The following SLC14A2 variants were observed in gnomAD, a reference collection of about 807,000 sequenced individuals.
SLC14A2 encodes solute carrier family 14 member 2.
A neutral mutation model predicts 104.6 loss-of-function variants in SLC14A2; 91 were observed. That is an observed-to-expected ratio of 0.87 (90% confidence interval 0.73 to 1.04). The LOEUF (loss-of-function observed/expected upper bound fraction) is 1.04. Among genes scored for constraint, SLC14A2 ranks in the 50% least tolerant of loss-of-function variants. SLC14A2 has a pLI of 0.00. For synonymous variants in SLC14A2, 476 were observed against 466.4 expected (o/e 1.02, Z -0.27); for missense variants, 1,189 against 1,156.0 (o/e 1.03, Z -0.41).
chr18:45,258,747 C>T (rs1422748282), intron 1 of SLC14A2, among the ~76,000 whole-genome samples: 3 of 111,920 alleles, frequency 2.7e-5, no homozygotes, highest in African/African-American at 4.1e-5. Flanking sequence ...ATGCTTTGAC[C>T]AGTACTGAGA....
chr18:45,613,796 A>T (rs1229318138), upstream of SLC14A2, among the ~76,000 whole-genome samples: 1 of 152,230 alleles, frequency 6.6e-6, no homozygotes, highest in Non-Finnish European at 1.5e-5. Context: ...AATTTTATGC[A>T]TTTACAGAGA....
intron 1 of SLC14A2, among the ~76,000 whole-genome samples, chr18:45,247,503 T>G (rs1388268798): frequency 6.6e-6 from 1 of 152,186 alleles, no homozygotes; most frequent in African/African-American, 2.4e-5. Flanking sequence ...AGATTTGTTT[T>G]ACAAGCATTT....
intron 2 of SLC14A2, among the ~76,000 whole-genome samples, chr18:45,609,678 C>T (rs2044938454): frequency 2.0e-5 from 3 of 152,214 alleles, no homozygotes; most frequent in Non-Finnish European, 1.5e-5. Flanking sequence ...TCTCTATTCT[C>T]TTGTGTGAGT....
intron 2 of SLC14A2, among the ~76,000 whole-genome samples, chr18:45,586,761 T>C (rs1395629605): frequency 6.6e-6 from 1 of 152,068 alleles, no homozygotes; most frequent in African/African-American, 2.4e-5. Context: ...GTTTGCAGCC[T>C]TAGGTTACCC....
chr18:45,286,794 G>A (rs908942682), intron 1 of SLC14A2, among the ~76,000 whole-genome samples: 4 of 152,076 alleles, frequency 2.6e-5, no homozygotes, highest in Admixed American at 6.5e-5. Flanking sequence ...GCTCATAGAT[G>A]TTATGGAAAT....
chr18:45,242,031 A>T (rs925522793), intron 1 of SLC14A2, among the ~76,000 whole-genome samples: 7 of 152,164 alleles, frequency 4.6e-5, no homozygotes, highest in African/African-American at 1.7e-4. Flanking sequence ...AAACTTCTGC[A>T]TTCTACATGC....
At chr18:45,257,628 CTCTTGGCAA>C (rs952418648) in intron 1 of SLC14A2, among the ~76,000 whole-genome samples, 3 of 152,116 alleles carry the variant, frequency 2.0e-5, no homozygotes, top group African/African-American at 7.2e-5. Flanking sequence ...TTCTATGTAG[CTCTTGGCAA>C]TCTTAAAATA....
intron 1 of SLC14A2, among the ~76,000 whole-genome samples, chr18:45,330,395 A>G (rs1183263777): frequency 6.6e-6 from 1 of 152,118 alleles, no homozygotes; most frequent in Non-Finnish European, 1.5e-5. Flanking sequence ...ATTAGGCTTG[A>G]GGTTGCATTT....
chr18:45,388,168 T>C (rs2144403092), intron 1 of SLC14A2, among the ~76,000 whole-genome samples: 1 of 141,692 alleles, frequency 7.1e-6, no homozygotes, highest in East Asian at 2.3e-4. Flanking sequence ...CTCCGCCTCC[T>C]GGGTTCACGC....
Position 45,627,259 on chromosome 18 carries a change from G to GTATCA in SLC14A2, c.521+113_521+117dup, listed in dbSNP as rs1161811981. 11 of 904,776 alleles carry GTATCA rather than the reference G, an allele frequency of 1.2e-5. No homozygotes were observed. The Admixed American group carries it at 2.2e-4, about 18-fold the overall frequency. 56.0% of individuals were successfully genotyped at this position (904,776 alleles called of 1,614,324 possible). A position where few individuals can be genotyped will look rare whatever the true frequency, so the allele number is the denominator to read the frequency against. The stretch of plus-strand genomic sequence containing the variant: ...CTCCCAGCCAGCCAAAGTCTCCTGA[G>GTATCA]TATCAACTTTAAGCAGGTCACTGAC... On this transcript the variant is annotated intron_variant, in intron 4 of 19. Coordinates refer to ENST00000255226, the MANE Select transcript of SLC14A2 (RefSeq NM_007163.4).
chr18:45,443,739 A>T (rs1324887532), intron 1 of SLC14A2, among the ~76,000 whole-genome samples: 1 of 152,120 alleles, frequency 6.6e-6, no homozygotes, highest in African/African-American at 2.4e-5. Flanking sequence ...TCAGAGAAAG[A>T]CTTTTGCTTC....
chr18:45,500,433 G>C (rs1043225445), intron 2 of SLC14A2, among the ~76,000 whole-genome samples: 6 of 151,922 alleles, frequency 3.9e-5, no homozygotes, highest in South Asian at 2.1e-4. Context: ...AAAAATTAGC[G>C]GGGCGTGGTA....
exon 1 of SLC14A2, chr18:45,213,185 A>T (rs1379698318): frequency 1.3e-5 from 2 of 152,216 alleles, no homozygotes; most frequent in African/African-American, 4.8e-5. Flanking sequence ...ACAGGACCTG[A>T]ATGACCGTGA....
chr18:45,487,630 G>GTC (rs987002810), intron 2 of SLC14A2, among the ~76,000 whole-genome samples: 6 of 152,170 alleles, frequency 3.9e-5, no homozygotes, highest in Admixed American at 6.5e-5. Context: ...TGTGTTGGAA[G>GTC]TAAGAGGGCT....
chr18:45,376,158 A>G, intron 1 of SLC14A2, among the ~76,000 whole-genome samples: 1 of 152,056 alleles, frequency 6.6e-6, no homozygotes, highest in East Asian at 1.9e-4. Flanking sequence ...TCTGGAGTTA[A>G]CCTCACTTCT....
At chr18:45,458,925 G>C (rs1397119330) in intron 1 of SLC14A2, among the ~76,000 whole-genome samples, 3 of 152,174 alleles carry the variant, frequency 2.0e-5, no homozygotes, top group African/African-American at 7.2e-5. Context: ...TGTACCGAAA[G>C]CTATACTTTG....
intron 1 of SLC14A2, among the ~76,000 whole-genome samples, chr18:45,350,047 AAAT>A (rs2085487050): frequency 6.6e-6 from 1 of 152,234 alleles, no homozygotes; most frequent in African/African-American, 2.4e-5. Context: ...GACAAAAGCA[AAAT>A]AATTACTGCA....
chr18:45,403,903 T>C (rs559819332), intron 1 of SLC14A2, among the ~76,000 whole-genome samples: 1 of 152,312 alleles, frequency 6.6e-6, no homozygotes, highest in African/African-American at 2.4e-5. Context: ...CTTGACTGTA[T>C]TCAACCCTTC....
chr18:45,346,080 C>T lies in SLC14A2; in HGVS notation c.-125+132889C>T, dbSNP rs894093678. Among the ~76,000 whole-genome samples, 11 of 152,292 alleles carry T rather than the reference C, an allele frequency of 7.2e-5. No homozygotes were observed. The East Asian group carries it at 1.5e-3, about 21-fold the overall frequency. ...GATAACAAAAGGATGAACTTCTATT[C>T]GCACATGTTTTCATGATCTGTATTT... On this transcript the variant is annotated intron_variant, in intron 1 of 20. Coordinates refer to the SLC14A2 transcript ENST00000586448.
Sources: gnomAD v4.1 joint callset for allele counts (sites outside exome capture counted in the v4.1 genomes callset) on GRCh38, gnomAD v4.1.1 for gene constraint, MANE v1.5 for transcripts, NCBI Gene and HGNC (gene_info 2026-07-23, HGNC 2026-07-21) for gene names.